Variants in PAK1 observed in about 807,000 individuals in gnomAD.
The protein encoded by PAK1 is serine/threonine-protein kinase PAK 1.
PAK1 carries 29 observed loss-of-function variants against 67.4 expected under a neutral mutation model. The observed-to-expected ratio is 0.43, with a 90% CI of 0.32 to 0.59. The LOEUF (loss-of-function observed/expected upper bound fraction) is 0.59. Among genes scored for constraint, PAK1 ranks in the 20% least tolerant of loss-of-function variants. The probability of loss-of-function intolerance (pLI) is 0.07; values close to 1 mark genes in which losing one functional copy is unlikely to be tolerated. For missense variants in PAK1, 337 were observed against 670.7 expected, an observed-to-expected ratio of 0.50 and a Z score of 5.50; for synonymous variants, 223 against 237.4, an observed-to-expected ratio of 0.94 and a Z score of 0.56.
intron 8 of PAK1, 62 bp downstream of exon 8, chr11:77,353,474 A>T: frequency 2.4e-6 from 3 of 1,235,556 alleles, no homozygotes; most frequent in Non-Finnish European, 2.4e-6. Context: ...AAGCAAAATC[A>T]TATATGCCGG....
In PAK1 at chr11:77,355,810, A is replaced by T. The variant is rs1189722269; in HGVS notation, c.630T>A (p.Pro210=). ...TAGCCACGTCCCGAGTTGGAGTGAC[A>T]GGAAGTGGTTCAATCACAGACCGTG... The part of the protein sequence containing the change: ...VYTRSVIEPL[P]VTPTRDVATS... The change falls in exon 7 of 15, where the codon CCT becomes CCA. Residue 210 remains proline (P), a synonymous_variant. Transcript: ENST00000356341. 1.2e-6 allele frequency: 2 copies of T among 1,613,574 alleles called. No individual in the cohort carries two copies. The highest frequency in any genetic ancestry group is 1.7e-6 in the Non-Finnish European group (2 of 1,179,714).
At chr11:77,465,407 A>G (rs1446969827) in intron 1 of PAK1, among the ~76,000 whole-genome samples, 1 of 152,170 alleles carries the variant, frequency 6.6e-6, no homozygotes, top group African/African-American at 2.4e-5. Flanking sequence ...AAGGGTTTTG[A>G]AAACAGTAAA....
chr11:77,342,029 T>C (rs1021148207), intron 10 of PAK1, among the ~76,000 whole-genome samples: 1 of 152,240 alleles, frequency 6.6e-6, no homozygotes, highest in African/African-American at 2.4e-5. Context: ...AAAATTTATA[T>C]GTTGAAAATC....
At chr11:77,330,328 T>G (rs1941177577) in intron 14 of PAK1, among the ~76,000 whole-genome samples, 1 of 151,902 alleles carries the variant, frequency 6.6e-6, no homozygotes, top group East Asian at 1.9e-4. Context: ...CATCGCCGAG[T>G]CAATCCTAAG....
chr11:77,502,789 G>A, the PAK1 span, among the ~76,000 whole-genome samples: 2 of 152,140 alleles, frequency 1.3e-5, no homozygotes, highest in Non-Finnish European at 2.9e-5. Context: ...CTGGCATGGT[G>A]CACATATCTG....
intron 1 of PAK1, among the ~76,000 whole-genome samples, chr11:77,462,483 A>AT (rs112024629): frequency 1.7e-3 from 255 of 148,926 alleles, no homozygotes; most frequent in African/African-American, 4.4e-3. Flanking sequence ...CATTGAAAGG[A>AT]TTTTTTTTTT....
chr11:77,385,847 G>A (rs768164642), intron 2 of PAK1, among the ~76,000 whole-genome samples: 9 of 151,638 alleles, frequency 5.9e-5, no homozygotes, highest in Non-Finnish European at 1.0e-4. Flanking sequence ...AACAGAGCGT[G>A]ACTGTCTCAA....
At chr11:77,382,374 C>A (rs1051465804) in intron 2 of PAK1, among the ~76,000 whole-genome samples, 25 of 152,148 alleles carry the variant, frequency 1.6e-4, no homozygotes, top group African/African-American at 5.6e-4. Context: ...ATATTCCCAC[C>A]TCCAACTTTT....
chr11:77,485,175 G>T, the PAK1 span, among the ~76,000 whole-genome samples: 16 of 152,290 alleles, frequency 1.1e-4, no homozygotes, highest in Admixed American at 7.2e-4. Context: ...AAGAGTAGCG[G>T]GGTAGAGGTG....
chr11:77,446,930 A>T (rs1956639498), intron 1 of PAK1, among the ~76,000 whole-genome samples: 1 of 152,054 alleles, frequency 6.6e-6, no homozygotes, highest in South Asian at 2.1e-4. Context: ...GAGCAAAAGA[A>T]GCTGTAATCT....
rs544058989 is a variant in PAK1, at chr11:77,397,421, C to G, written c.-21-4880G>C. On this transcript the variant is annotated intron_variant, in intron 1 of 14. Coordinates refer to ENST00000356341, the MANE Select transcript of PAK1 (RefSeq NM_002576.5). Reference sequence around the variant, plus strand: ...GGCTCTGCAATTTATAAGCCATCGCCCCTGTAGAAGTCCCATCACCTATGA... The same window carrying G: ...GGCTCTGCAATTTATAAGCCATCGCGCCTGTAGAAGTCCCATCACCTATGA... Among the ~76,000 whole-genome samples, 3 of 152,270 alleles carry G rather than the reference C, an allele frequency of 2.0e-5. No homozygotes were observed. In the East Asian group the frequency reaches 5.8e-4, roughly 29 times the overall value.
At chr11:77,423,402 TAC>T (rs5792767) in intron 1 of PAK1, among the ~76,000 whole-genome samples, 18,088 of 136,760 alleles carry the variant, frequency 0.13, 1,263 homozygotes, top group African/African-American at 0.21. Flanking sequence ...TGCTTTCAAA[TAC>T]ACACACACAC....
chr11:77,323,542 TA>T (rs1938884235), intron 14 of PAK1, among the ~76,000 whole-genome samples, 182 bp from the exon 15 acceptor site: 1 of 152,174 alleles, frequency 6.6e-6, no homozygotes, highest in South Asian at 2.1e-4. Context: ...AGCATCTACT[TA>T]CAGATAAATA....
intron 4 of PAK1, among the ~76,000 whole-genome samples, chr11:77,376,394 T>C (rs1001883661): frequency 6.6e-6 from 1 of 152,074 alleles, no homozygotes; most frequent in South Asian, 2.1e-4. Context: ...CCCAGTTGAG[T>C]TGTCAATCTA....
chr11:77,396,175 T>A (rs1035672290), intron 1 of PAK1, among the ~76,000 whole-genome samples: 1 of 152,222 alleles, frequency 6.6e-6, no homozygotes, highest in Non-Finnish European at 1.5e-5. Context: ...CTGTGATAGA[T>A]CTTCACTTTC....
intron 1 of PAK1, among the ~76,000 whole-genome samples, chr11:77,399,858 C>CAAAAAAAAAAAAAAAAAAA (rs34662738): frequency 2.4e-5 from 1 of 42,370 alleles, no homozygotes; most frequent in African/African-American, 7.7e-5. Flanking sequence ...GACTCCGTCT[C>CAAAAAAAAAAAAAAAAAAA]AAAAAAAAAA....
intron 1 of PAK1, among the ~76,000 whole-genome samples, chr11:77,404,490 C>G (rs1374474409): frequency 6.6e-6 from 1 of 152,164 alleles, no homozygotes; most frequent in Non-Finnish European, 1.5e-5. Flanking sequence ...TGATCTCGAA[C>G]TCCTGACCTC....
In PAK1 at chr11:77,365,251, CAAA is replaced by C. The variant is rs1364090865; in HGVS notation, c.478-6237_478-6235del. 2.2e-4 allele frequency among the ~76,000 whole-genome samples: 10 copies of C among 45,436 alleles called. 1 individual carries two copies. The highest frequency in any genetic ancestry group is 7.9e-4 in the African/African-American group (5 of 6,290). The allele number at this position is 45,436 out of a possible 152,430, so 29.8% of individuals were successfully genotyped here. On this transcript the variant is annotated intron_variant, in intron 5 of 14. Coordinates refer to ENST00000356341, the MANE Select transcript of PAK1 (RefSeq NM_002576.5). Reference sequence around the variant, plus strand: ...TGGGTGACAGAGCAAGACTCTGTCTCAAAAAAAAAAAAAAAAAGAAAAAAGAAA... The same window carrying C: ...TGGGTGACAGAGCAAGACTCTGTCTCAAAAAAAAAAAAAAGAAAAAAGAAA...
chr11:77,344,025 G>A, intron 9 of PAK1, 94 bp from the exon 10 acceptor site: 2 of 796,974 alleles, frequency 2.5e-6, no homozygotes, highest in South Asian at 2.8e-5. Flanking sequence ...AGGAAACAAA[G>A]ATGAGTAAGA....
Sources: gnomAD v4.1 joint callset for allele counts (sites outside exome capture counted in the v4.1 genomes callset) on GRCh38, gnomAD v4.1.1 for gene constraint, MANE v1.5 for transcripts, NCBI Gene and HGNC (gene_info 2026-07-23, HGNC 2026-07-21) for gene names.